Variants in ELMO1 observed in about 807,000 individuals in gnomAD.
ELMO1 encodes the protein engulfment and cell motility protein 1.
A neutral mutation model predicts 98.9 loss-of-function variants in ELMO1; 26 were observed. The ratio of observed to expected loss-of-function variants is 0.26; its 90% CI spans 0.19 to 0.36. The LOEUF (loss-of-function observed/expected upper bound fraction) is 0.36, where lower values mean the gene tolerates loss of function less well. Among genes scored for constraint, ELMO1 ranks in the 10% least tolerant of loss-of-function variants. The pLI is 1.00. For missense variants in ELMO1, 627 were observed against 935.2 expected, an observed-to-expected ratio of 0.67 and a Z score of 4.30; for synonymous variants, 346 against 346.0, an observed-to-expected ratio of 1.00 and a Z score of 0.00.
intron 13 of ELMO1, among the ~76,000 whole-genome samples, chr7:37,139,964 G>A (rs1787510044): frequency 6.6e-6 from 1 of 152,092 alleles, no homozygotes; most frequent in East Asian, 1.9e-4. Context: ...AATAAAGTGG[G>A]AAAAGGACAC....
At chr7:37,163,343 T>TTTC (rs147535953) in intron 13 of ELMO1, among the ~76,000 whole-genome samples, 1 of 149,848 alleles carries the variant, frequency 6.7e-6, no homozygotes, top group Non-Finnish European at 1.5e-5. Context: ...TGTTCTTTTT[T>TTTC]TTTTTTTTTA....
In ELMO1 at chr7:37,355,794, G is replaced by A. The variant is rs374545075; in HGVS notation, c.-73-13031C>T. 3.2e-4 allele frequency among the ~76,000 whole-genome samples: 48 copies of A among 152,326 alleles called. 1 individual carries two copies. In the South Asian group the frequency reaches 7.5e-3, roughly 24 times the overall value. ...TCAACTTGTTCTAAATCCTTTCTCC[G>A]CAAGGAGAAATGGATGTCATCTTGA... is the stretch of plus-strand genomic sequence containing the variant. On this transcript the variant is annotated intron_variant, in intron 1 of 21. Transcript: ENST00000310758.
intron 1 of ELMO1, among the ~76,000 whole-genome samples, chr7:37,439,516 C>T (rs1163470653): frequency 6.6e-6 from 1 of 152,174 alleles, no homozygotes; most frequent in Non-Finnish European, 1.5e-5. Flanking sequence ...ATATGGAGTG[C>T]CCAGGCTACA....
At chr7:37,188,135 A>T (rs954210569) in intron 13 of ELMO1, among the ~76,000 whole-genome samples, 23 of 152,068 alleles carry the variant, frequency 1.5e-4, no homozygotes, top group African/African-American at 5.6e-4. Context: ...CATCTTCTTG[A>T]TCTCTAATAA....
At chr7:36,885,355 C>T (rs893571329) in intron 18 of ELMO1, among the ~76,000 whole-genome samples, 1 of 128,678 alleles carries the variant, frequency 7.8e-6, no homozygotes, top group Non-Finnish European at 1.8e-5. Context: ...ACAACAACAA[C>T]AACAAACCCT....
chr7:37,290,150 T>A (rs562084605), intron 4 of ELMO1, among the ~76,000 whole-genome samples: 1 of 152,240 alleles, frequency 6.6e-6, no homozygotes, highest in Admixed American at 6.5e-5. Context: ...GCTATCCAGA[T>A]GAATTAATTA....
At chr7:37,337,466 T>G (rs1800477389) in intron 2 of ELMO1, among the ~76,000 whole-genome samples, 1 of 150,698 alleles carries the variant, frequency 6.6e-6, no homozygotes, top group Admixed American at 6.6e-5. Context: ...ACAAGGCACA[T>G]GTATACATAT....
intron 4 of ELMO1, among the ~76,000 whole-genome samples, chr7:37,277,754 A>T (rs1796922495): frequency 1.3e-5 from 2 of 152,138 alleles, no homozygotes; most frequent in African/African-American, 4.8e-5. Flanking sequence ...AATAGAAACC[A>T]TCTCCCTCAC....
chr7:37,108,674 A>C (rs930927026), intron 14 of ELMO1, among the ~76,000 whole-genome samples: 3 of 152,216 alleles, frequency 2.0e-5, no homozygotes, highest in African/African-American at 7.2e-5. Context: ...CTTCCCTGAT[A>C]GAGTCAACCC....
intron 15 of ELMO1, among the ~76,000 whole-genome samples, chr7:37,044,800 T>C (rs1795708940): frequency 6.6e-6 from 1 of 152,200 alleles, no homozygotes; most frequent in South Asian, 2.1e-4. Flanking sequence ...AGCCTGGATG[T>C]TTGTTTGGCT....
intron 14 of ELMO1, among the ~76,000 whole-genome samples, chr7:37,128,782 G>A (rs1259669956): frequency 6.6e-6 from 1 of 152,154 alleles, no homozygotes; most frequent in African/African-American, 2.4e-5. Flanking sequence ...TGAATTACAA[G>A]AAATGATTAA....
At chr7:37,113,472 A>G (rs879558740) in intron 14 of ELMO1, among the ~76,000 whole-genome samples, 1 of 152,250 alleles carries the variant, frequency 6.6e-6, no homozygotes, top group African/African-American at 2.4e-5. Context: ...GGATGAAATC[A>G]GTACTTTATA....
chr7:37,028,955 T>G (rs1380916036), intron 15 of ELMO1, among the ~76,000 whole-genome samples: 3 of 151,696 alleles, frequency 2.0e-5, no homozygotes, highest in African/African-American at 7.3e-5. Flanking sequence ...CTCAGTGTTT[T>G]ACAATTATCA....
intron 2 of ELMO1, among the ~76,000 whole-genome samples, chr7:37,318,231 C>G (rs1799309010): frequency 6.6e-6 from 1 of 152,172 alleles, no homozygotes; most frequent in Non-Finnish European, 1.5e-5. Context: ...AGAAACAAAA[C>G]TTATTTCCAT....
At chr7:37,152,727 AG>A (rs1368710731) in intron 13 of ELMO1, among the ~76,000 whole-genome samples, 2 of 152,226 alleles carry the variant, frequency 1.3e-5, no homozygotes, top group Non-Finnish European at 2.9e-5. Flanking sequence ...TAAGGAGAAA[AG>A]GCTCTGGTTT....
intron 13 of ELMO1, among the ~76,000 whole-genome samples, chr7:37,168,902 T>C (rs913120456): frequency 2.0e-5 from 3 of 152,178 alleles, no homozygotes; most frequent in African/African-American, 7.2e-5. Flanking sequence ...TCTGCAGAGG[T>C]TACCGCTGTC....
intron 4 of ELMO1, among the ~76,000 whole-genome samples, chr7:37,291,661 T>A (rs562104572): frequency 6.6e-6 from 1 of 152,160 alleles, no homozygotes; most frequent in Non-Finnish European, 1.5e-5. Flanking sequence ...ATGCTTATAA[T>A]CCCAGCACTG....
chr7:37,139,517 A>G (rs1487156068), intron 13 of ELMO1, among the ~76,000 whole-genome samples: 2 of 152,002 alleles, frequency 1.3e-5, no homozygotes, highest in Non-Finnish European at 2.9e-5. Context: ...CAGGGAGGTG[A>G]AAGACCTCTA....
intron 5 of ELMO1, among the ~76,000 whole-genome samples, chr7:37,259,915 G>A (rs1460973366): frequency 2.0e-5 from 3 of 152,158 alleles, no homozygotes; most frequent in Non-Finnish European, 2.9e-5. Context: ...TCAACAACAT[G>A]TTGTTTCACA....
Sources: allele counts gnomAD v4.1 joint callset (sites outside exome capture counted in the v4.1 genomes callset), GRCh38; gene constraint gnomAD v4.1.1; transcripts MANE v1.5; gene names NCBI Gene and HGNC (gene_info 2026-07-23, HGNC 2026-07-21).